COL21A1: variants seen among roughly 807,000 people sequenced by gnomAD.
The protein encoded by COL21A1 is collagen type XXI alpha 1 chain.
Under a neutral mutation model 137.9 loss-of-function variants are expected in COL21A1, and 149 were observed. The observed-to-expected ratio is 1.08, with a 90% confidence interval of 0.95 to 1.24. The LOEUF (loss-of-function observed/expected upper bound fraction) is 1.24. Among genes scored for constraint, COL21A1 ranks in the 50% most tolerant of loss-of-function variants. The pLI is 0.00. For missense variants in COL21A1, 1,167 were observed against 1,158.4 expected (o/e 1.01, Z -0.11); for synonymous variants, 456 against 391.5 (o/e 1.16, Z -1.95).
chr6:56,326,024 CATAATATATT>C (rs1562058067), intron 1 of COL21A1, among the ~76,000 whole-genome samples: 350 of 2,730 alleles, frequency 0.13, 11 homozygotes, highest in African/African-American at 0.2. Context: ...TATGTATATA[CATAATATATT>C]ATGTATATGT....
chr6:56,304,742 C>T (rs911593519), intron 1 of COL21A1, among the ~76,000 whole-genome samples: 16 of 152,142 alleles, frequency 1.1e-4, no homozygotes, highest in African/African-American at 3.9e-4. Context: ...TTCAGTTCTG[C>T]TCTGATCTTA....
At chr6:56,310,122 A>G (rs900012808) in intron 1 of COL21A1, among the ~76,000 whole-genome samples, 12 of 152,224 alleles carry the variant, frequency 7.9e-5, no homozygotes, top group Non-Finnish European at 1.5e-4. Context: ...TAAACTAGGC[A>G]CAGCAAGAGC....
At chr6:56,209,707 A>G (rs1342494145) in intron 1 of COL21A1, among the ~76,000 whole-genome samples, 1 of 152,166 alleles carries the variant, frequency 6.6e-6, no homozygotes, top group African/African-American at 2.4e-5. Flanking sequence ...ACCATTGTGG[A>G]AGACAGTGTG....
intron 12 of COL21A1, among the ~76,000 whole-genome samples, chr6:56,133,655 G>A (rs867776845): frequency 1.7e-4 from 26 of 152,236 alleles, no homozygotes; most frequent in Middle Eastern, 3.4e-3. Context: ...CACAGGCCTG[G>A]AGGCCTATGA....
chr6:56,124,663 A>T (rs989417592), intron 14 of COL21A1, among the ~76,000 whole-genome samples: 1 of 140,556 alleles, frequency 7.1e-6, no homozygotes, highest in African/African-American at 2.6e-5. Flanking sequence ...TGTTTTTGAG[A>T]CGGAGTCTCA....
chr6:56,386,003 G>A (rs568115431), intron 1 of COL21A1, among the ~76,000 whole-genome samples: 13 of 151,944 alleles, frequency 8.6e-5, no homozygotes, highest in Middle Eastern at 3.4e-3. Flanking sequence ...GGGTTCAAGC[G>A]ATTCTCCTGC....
upstream of COL21A1, among the ~76,000 whole-genome samples, chr6:56,248,597 T>C (rs1305537035): frequency 6.6e-6 from 1 of 152,224 alleles, no homozygotes; most frequent in African/African-American, 2.4e-5. Context: ...CTGTGTCCCC[T>C]GAGCCTAGAA....
At chr6:56,167,088 A>G in intron 6 of COL21A1, 105 bp from the exon 7 acceptor site, 1 of 778,820 alleles carries the variant, frequency 1.3e-6, no homozygotes, top group Non-Finnish European at 2.2e-6. Flanking sequence ...TAATTGTGTA[A>G]GGTTTACATC....
intron 1 of COL21A1, among the ~76,000 whole-genome samples, chr6:56,304,099 A>G (rs1324282519): frequency 1.3e-5 from 2 of 152,196 alleles, no homozygotes; most frequent in African/African-American, 4.8e-5. Context: ...ATCATGGTGG[A>G]TAAGCTTTTT....
chr6:56,359,040 A>G (rs1191759787), intron 1 of COL21A1, among the ~76,000 whole-genome samples: 1 of 146,202 alleles, frequency 6.8e-6, no homozygotes, highest in Non-Finnish European at 1.5e-5. Flanking sequence ...TTTTCTCAAA[A>G]CTTTCATAGA....
intron 14 of COL21A1, 140 bp downstream of exon 14, chr6:56,125,427 T>G: frequency 2.0e-6 from 1 of 497,574 alleles, no homozygotes; most frequent in Non-Finnish European, 3.5e-6. Context: ...TTTTCTTTTT[T>G]CATTGTTCTG....
intron 2 of COL21A1, among the ~76,000 whole-genome samples, 187 bp downstream of exon 2, chr6:56,182,344 C>A (rs1290636969): frequency 6.6e-6 from 1 of 152,142 alleles, no homozygotes; most frequent in Non-Finnish European, 1.5e-5. Context: ...AGAGTCATCT[C>A]AAAATTATCT....
At position 56,182,528 on chromosome 6, in the gene COL21A1, T is replaced by G; in HGVS notation, c.88+3A>C. 6.3e-7 allele frequency: 1 copy of G among 1,578,594 alleles called. No individual in the cohort carries two copies. The highest frequency in any genetic ancestry group is 8.7e-7 in the Non-Finnish European group (1 of 1,154,484). ...AAAAAAGGACAATGCTGATAGTTCT[T>G]ACTTGATCTTACTTCCCCATCTTCA... is the stretch of plus-strand genomic sequence containing the variant. On this transcript the variant is annotated splice_donor_region_variant and intron_variant, in intron 2 of 29. Transcript: ENST00000244728.
intron 1 of COL21A1, among the ~76,000 whole-genome samples, chr6:56,189,781 T>C (rs1193703190): frequency 2.0e-5 from 3 of 152,062 alleles, no homozygotes; most frequent in Non-Finnish European, 4.4e-5. Context: ...TCAGCAGAAA[T>C]CCTCAAAGCC....
At chr6:56,378,997 T>C (rs888229113) in intron 1 of COL21A1, among the ~76,000 whole-genome samples, 2 of 152,254 alleles carry the variant, frequency 1.3e-5, no homozygotes, top group African/African-American at 4.8e-5. Context: ...TCTACAAGTC[T>C]GCAAGAACCA....
intron 1 of COL21A1, among the ~76,000 whole-genome samples, chr6:56,291,482 G>T (rs949520537): frequency 3.3e-5 from 5 of 152,210 alleles, no homozygotes; most frequent in Non-Finnish European, 7.3e-5. Flanking sequence ...TTCTGGCCTT[G>T]CAGTCTCCCC....
rs879360696 is a variant in COL21A1, at chr6:56,060,968, A to G, written c.2275T>C (p.Leu759=). 22 of 1,607,972 alleles carry G rather than the reference A, an allele frequency of 1.4e-5. No homozygotes were observed. The highest frequency in any genetic ancestry group is 1.8e-5 in the Non-Finnish European group (21 of 1,177,638). Residue 759 remains leucine (L), a synonymous_variant, in exon 26 of 30, where the codon TTG becomes CTG. Coordinates refer to ENST00000244728, the MANE Select transcript of COL21A1 (RefSeq NM_030820.4). ...CCCTTAGGACCTGCGGGCCCCATCAAGCCATCCACCCCAGATTCTCCTTTT... is the reference window on the plus strand; with the variant it reads ...CCCTTAGGACCTGCGGGCCCCATCAGGCCATCCACCCCAGATTCTCCTTTT... ...GSKGESGVDG[L]MGPAGPKGQP...
chr6:56,199,256 T>C (rs1779223763), intron 1 of COL21A1, among the ~76,000 whole-genome samples: 1 of 152,106 alleles, frequency 6.6e-6, no homozygotes. Context: ...GTAAAGAATA[T>C]TGATATAGAT....
At chr6:56,196,819 A>T (rs1471370283) in intron 1 of COL21A1, among the ~76,000 whole-genome samples, 1 of 152,138 alleles carries the variant, frequency 6.6e-6, no homozygotes, top group East Asian at 1.9e-4. Context: ...AGGGATCTAT[A>T]GATTTAGTTC....
Sources: allele counts gnomAD v4.1 joint callset (sites outside exome capture counted in the v4.1 genomes callset), GRCh38; gene constraint gnomAD v4.1.1; transcripts MANE v1.5; gene names NCBI Gene and HGNC (gene_info 2026-07-23, HGNC 2026-07-21).